SPOCK1: variants seen among roughly 807,000 people sequenced by gnomAD.
SPOCK1 encodes SPARC (osteonectin), cwcv and kazal like domains proteoglycan 1, also known as testican-1.
SPOCK1 carries 23 observed loss-of-function variants against 55.3 expected under a neutral mutation model. The observed-to-expected ratio is 0.42, with a 90% CI of 0.30 to 0.59. SPOCK1 has a LOEUF of 0.59. Ranked by LOEUF, SPOCK1 falls within the 20% of genes least tolerant of loss-of-function variation. The pLI is 0.22. For missense variants in SPOCK1, 499 were observed against 552.5 expected, an observed-to-expected ratio of 0.90 and a Z score of 0.97; for synonymous variants, 226 against 221.0, an observed-to-expected ratio of 1.02 and a Z score of -0.20.
At chr5:137,195,896 C>A (rs1051596944) in intron 3 of SPOCK1, among the ~76,000 whole-genome samples, 58 of 152,134 alleles carry the variant, frequency 3.8e-4, no homozygotes, top group African/African-American at 1.4e-3. Context: ...TTGTGTGCAC[C>A]CCACAAGTCT....
At chr5:137,142,833 A>T (rs941868172) in intron 3 of SPOCK1, among the ~76,000 whole-genome samples, 13 of 152,216 alleles carry the variant, frequency 8.5e-5, no homozygotes, top group Non-Finnish European at 1.6e-4. Context: ...AGACTGGTGC[A>T]GTCTCAGCCC....
intron 2 of SPOCK1, among the ~76,000 whole-genome samples, chr5:137,345,453 G>A (rs1335981787): frequency 1.3e-5 from 2 of 152,158 alleles, no homozygotes; most frequent in African/African-American, 4.8e-5. Context: ...GCATTACCTG[G>A]ATTCCATACT....
chr5:137,153,632 T>C (rs577418704), intron 3 of SPOCK1, among the ~76,000 whole-genome samples: 15 of 151,936 alleles, frequency 9.9e-5, no homozygotes, highest in African/African-American at 3.6e-4. Context: ...AGAGGGAAGA[T>C]TGCTTGAGCC....
intron 3 of SPOCK1, among the ~76,000 whole-genome samples, chr5:137,144,878 A>G (rs1754163907): frequency 6.6e-6 from 1 of 152,218 alleles, no homozygotes; most frequent in African/African-American, 2.4e-5. Flanking sequence ...GGTGCTATTG[A>G]TTTCCTGGGG....
At chr5:137,226,083 C>A (rs1865401) in intron 3 of SPOCK1, among the ~76,000 whole-genome samples, 87,234 of 151,984 alleles carry the variant, frequency 0.57, 26,895 homozygotes, top group Non-Finnish European at 0.68. Context: ...GGGTTTTTGA[C>A]ACAAGACTAT....
intron 6 of SPOCK1, among the ~76,000 whole-genome samples, chr5:137,042,781 A>G (rs1360947984): frequency 6.6e-6 from 1 of 152,180 alleles, no homozygotes; most frequent in African/African-American, 2.4e-5. Context: ...TGAGTTGGAT[A>G]CATTAGCATA....
At chr5:137,453,420 A>T (rs1753296893) in intron 2 of SPOCK1, among the ~76,000 whole-genome samples, 5 of 152,208 alleles carry the variant, frequency 3.3e-5, no homozygotes, top group Admixed American at 3.3e-4. Context: ...TCTACCAAAA[A>T]CAGCCCAGTA....
intron 2 of SPOCK1, among the ~76,000 whole-genome samples, chr5:137,306,986 A>AGAACCCTC (rs1319741299): frequency 6.6e-6 from 1 of 152,200 alleles, no homozygotes; most frequent in Non-Finnish European, 1.5e-5. Flanking sequence ...AAGCACACAC[A>AGAACCCTC]GAACCCTCCG....
intron 3 of SPOCK1, among the ~76,000 whole-genome samples, chr5:137,163,314 G>A (rs776698541): frequency 7.2e-5 from 11 of 152,186 alleles, no homozygotes; most frequent in South Asian, 2.1e-4. Flanking sequence ...GAGAGGTGGC[G>A]TGGCTGCCAG....
intron 6 of SPOCK1, among the ~76,000 whole-genome samples, chr5:137,022,692 A>G (rs868764953): frequency 6.6e-6 from 1 of 152,180 alleles, no homozygotes; most frequent in African/African-American, 2.4e-5. Context: ...ATCAATTTAC[A>G]TGTCTCAAGG....
intron 4 of SPOCK1, among the ~76,000 whole-genome samples, chr5:137,117,003 C>T (rs559349804): frequency 1.3e-5 from 2 of 152,306 alleles, no homozygotes; most frequent in East Asian, 3.9e-4. Context: ...CTAGTGACCA[C>T]TTCTGGTTGG....
At chr5:137,082,321 C>G (rs1752888467) in intron 5 of SPOCK1, among the ~76,000 whole-genome samples, 1 of 152,124 alleles carries the variant, frequency 6.6e-6, no homozygotes, top group Non-Finnish European at 1.5e-5. Flanking sequence ...AGATCTAGAA[C>G]CAGGAGGCCA....
At chr5:137,116,383 G>A (rs553733600) in intron 4 of SPOCK1, among the ~76,000 whole-genome samples, 3 of 152,052 alleles carry the variant, frequency 2.0e-5, no homozygotes, top group Non-Finnish European at 2.9e-5. Context: ...GTGGCTCAAC[G>A]CCTAAAATCC....
At chr5:137,094,519 T>A (rs893339485) in intron 5 of SPOCK1, among the ~76,000 whole-genome samples, 2 of 152,232 alleles carry the variant, frequency 1.3e-5, no homozygotes, top group African/African-American at 4.8e-5. Flanking sequence ...CTATTAAGGA[T>A]GCAATAGCAC....
chr5:137,050,508 G>T (rs1018899452), intron 6 of SPOCK1, among the ~76,000 whole-genome samples: 2 of 150,960 alleles, frequency 1.3e-5, no homozygotes, highest in Admixed American at 1.3e-4. Flanking sequence ...CTCGCGCACG[G>T]TGCGCGCACC....
intron 4 of SPOCK1, among the ~76,000 whole-genome samples, chr5:137,138,570 G>A (rs1252544608): frequency 1.3e-5 from 2 of 151,124 alleles, no homozygotes; most frequent in African/African-American, 4.9e-5. Context: ...CATCCCAAAG[G>A]GTATTTGGGT....
intron 2 of SPOCK1, among the ~76,000 whole-genome samples, chr5:137,288,974 T>C (rs545365763): frequency 2.0e-5 from 3 of 152,328 alleles, no homozygotes; most frequent in Admixed American, 1.3e-4. Flanking sequence ...AAAGCAAGGA[T>C]ACATCCTCAC....
intron 2 of SPOCK1, among the ~76,000 whole-genome samples, chr5:137,474,672 C>T (rs1467506746): frequency 6.6e-6 from 1 of 152,096 alleles, no homozygotes; most frequent in Non-Finnish European, 1.5e-5. Context: ...CTCAAAAGAA[C>T]AGAAAAGCAA....
At position 137,133,854 on chromosome 5, in the gene SPOCK1, C is replaced by T. The variant is rs114252219; in HGVS notation, c.347+6726G>A. On this transcript the variant is annotated intron_variant, in intron 4 of 10. Coordinates refer to ENST00000394945, the MANE Select transcript of SPOCK1 (RefSeq NM_004598.4). ...ACAGAAAGAAGAAATAGGTTTAATA[C>T]CAGGGCATGGACTAGTTGCTTTGCG... Among the ~76,000 whole-genome samples, 480 of 151,930 alleles carry T rather than the reference C, an allele frequency of 3.2e-3. 3 individuals are homozygous for T. Among genetic ancestry groups the T allele is most frequent in the African/African-American group, 0.011 (448 of 41,414 alleles).
Sources: gnomAD v4.1 joint callset for allele counts (sites outside exome capture counted in the v4.1 genomes callset) on GRCh38, gnomAD v4.1.1 for gene constraint, MANE v1.5 for transcripts, NCBI Gene and HGNC (gene_info 2026-07-23, HGNC 2026-07-21) for gene names.